SMAP1: variants seen among roughly 807,000 people sequenced by gnomAD.
SMAP1 encodes the protein stromal membrane-associated protein 1.
Under a neutral mutation model 58.5 loss-of-function variants are expected in SMAP1, and 24 were observed. The observed-to-expected ratio is 0.41, with a 90% CI of 0.30 to 0.58. The LOEUF (loss-of-function observed/expected upper bound fraction) is 0.58. Ranked by LOEUF, SMAP1 falls within the 20% of genes least tolerant of loss-of-function variation. The pLI is 0.29. For missense variants in SMAP1, 563 were observed against 566.3 expected, an observed-to-expected ratio of 0.99 and a Z score of 0.06; for synonymous variants, 216 against 196.6, an observed-to-expected ratio of 1.10 and a Z score of -0.82.
At chr6:70,788,240 A>T (rs552326997) in intron 4 of SMAP1, among the ~76,000 whole-genome samples, 179 of 146,066 alleles carry the variant, frequency 1.2e-3, no homozygotes, top group Non-Finnish European at 2.2e-3. Flanking sequence ...CATAGGTGGG[A>T]ATTGAACGAT....
At chr6:70,741,691 G>A (rs1765819159) in intron 2 of SMAP1, among the ~76,000 whole-genome samples, 1 of 152,206 alleles carries the variant, frequency 6.6e-6, no homozygotes, top group Non-Finnish European at 1.5e-5. Flanking sequence ...GCCCCAGTGG[G>A]GACTCTGTGT....
intron 1 of SMAP1, among the ~76,000 whole-genome samples, chr6:70,699,124 A>T (rs1315660387): frequency 6.6e-6 from 1 of 152,174 alleles, no homozygotes; most frequent in Non-Finnish European, 1.5e-5. Flanking sequence ...GGGGACCCAG[A>T]CCCAGTAACA....
At chr6:70,769,672 A>G (rs1562146899) in intron 3 of SMAP1, among the ~76,000 whole-genome samples, 1 of 152,114 alleles carries the variant, frequency 6.6e-6, no homozygotes, top group African/African-American at 2.4e-5. Flanking sequence ...GGTTTCCTGA[A>G]TACAGCACAC....
intron 4 of SMAP1, among the ~76,000 whole-genome samples, chr6:70,787,715 G>A (rs1358578377): frequency 6.6e-6 from 1 of 151,660 alleles, no homozygotes; most frequent in Non-Finnish European, 1.5e-5. Flanking sequence ...ATCATCACTG[G>A]CCATCAGAGA....
chr6:70,844,022 A>G (rs1269521722), intron 7 of SMAP1, among the ~76,000 whole-genome samples: 2 of 152,144 alleles, frequency 1.3e-5, no homozygotes, highest in Non-Finnish European at 2.9e-5. Context: ...TTAGAGAGAA[A>G]GAGGGAGATA....
chr6:70,726,758 T>A (rs1383838059), intron 1 of SMAP1, among the ~76,000 whole-genome samples: 3 of 152,122 alleles, frequency 2.0e-5, no homozygotes, highest in Admixed American at 6.5e-5. Flanking sequence ...CTATTTATAC[T>A]TAATAGTGAT....
At chr6:70,781,856 G>T (rs1227639922) in intron 4 of SMAP1, among the ~76,000 whole-genome samples, 1 of 152,150 alleles carries the variant, frequency 6.6e-6, no homozygotes, top group African/African-American at 2.4e-5. Context: ...TTTGCATGAG[G>T]TAAGTTTATA....
At chr6:70,824,763 A>C (rs1770042305) in intron 6 of SMAP1, among the ~76,000 whole-genome samples, 1 of 151,870 alleles carries the variant, frequency 6.6e-6, no homozygotes, top group Non-Finnish European at 1.5e-5. Flanking sequence ...TTTTCTATCA[A>C]CTCTACCTTC....
chr6:70,788,008 T>G (rs1009568346), intron 4 of SMAP1, among the ~76,000 whole-genome samples: 1 of 152,124 alleles, frequency 6.6e-6, no homozygotes, highest in African/African-American at 2.4e-5. Flanking sequence ...CACGTATGTT[T>G]ATTGTGGCAC....
In SMAP1 at chr6:70,800,600, T is replaced by C. The variant is rs535143623; in HGVS notation, c.576+1863T>C. On this transcript the variant is annotated intron_variant, in intron 6 of 10. Coordinates refer to ENST00000370455, the MANE Select transcript of SMAP1 (RefSeq NM_001044305.3). ...GTTACACAGGTATACATGTGCCATG[T>C]TGGTTTGCTGCACCCATCAACTTGT... Among the ~76,000 whole-genome samples, 32 of 152,228 alleles carry C rather than the reference T, an allele frequency of 2.1e-4. 1 individual carries two copies. Among genetic ancestry groups the C allele is most frequent in the Admixed American group, 1.8e-3 (27 of 15,290 alleles).
chr6:70,833,570 A>G (rs1419149721), intron 6 of SMAP1, among the ~76,000 whole-genome samples: 3 of 152,186 alleles, frequency 2.0e-5, no homozygotes, highest in African/African-American at 7.2e-5. Context: ...TAGGGCATAG[A>G]CATTTCTCAT....
chr6:70,852,605 G>T lies in SMAP1; in HGVS notation c.730G>T (p.Asp244Tyr). ...TTVPPLNDDL[D>Y]IFGPMISNPL... ...GGTGCCACCCCTGAACGATGATCTG[G>T]ACATCTTTGGACCGATGATTTCTAA... The change falls in exon 8 of 11, where the codon GAC becomes TAC. Residue 244 changes from aspartate to tyrosine, a missense_variant. This residue lies in a region of SMAP1 where 494 missense variants were observed against 473.8 expected (regional missense o/e 1.04). Coordinates refer to ENST00000370455, the MANE Select transcript of SMAP1 (RefSeq NM_001044305.3). The T allele has an allele frequency of 6.2e-7, 1 of 1,610,244 alleles. No individual in the cohort carries two copies. Among genetic ancestry groups the T allele is most frequent in the Non-Finnish European group, 8.5e-7 (1 of 1,178,082 alleles).
At chr6:70,842,190 T>C (rs760437839) in intron 7 of SMAP1, among the ~76,000 whole-genome samples, 1 of 152,236 alleles carries the variant, frequency 6.6e-6, no homozygotes, top group Non-Finnish European at 1.5e-5. Flanking sequence ...AGTCAAGTTA[T>C]GTTTTTCAGA....
In SMAP1 at chr6:70,729,032, C is replaced by G. The variant is rs192744331; in HGVS notation, c.119-3346C>G. On this transcript the variant is annotated intron_variant, in intron 1 of 10. Transcript: ENST00000370455. ...TTTTTTTCCCTGTTTTTGAAAACAG[C>G]TTTTCTTTGAAACGACCTCATTCTC... is the stretch of plus-strand genomic sequence containing the variant. Among the ~76,000 whole-genome samples the G allele has an allele frequency of 3.9e-3, 599 of 152,056 alleles. 3 individuals are homozygous for G. Among genetic ancestry groups the G allele is most frequent in the African/African-American group, 0.014 (583 of 41,466 alleles).
chr6:70,797,799 T>C (rs1295239549), intron 5 of SMAP1, among the ~76,000 whole-genome samples: 2 of 152,136 alleles, frequency 1.3e-5, no homozygotes, highest in African/African-American at 4.8e-5. Flanking sequence ...AGTTTATCTT[T>C]TCTTTTTTTG....
At chr6:70,818,328 C>T (rs4605842) in intron 6 of SMAP1, among the ~76,000 whole-genome samples, 2 of 151,798 alleles carry the variant, frequency 1.3e-5, no homozygotes, top group Non-Finnish European at 2.9e-5. Context: ...ATCACATGAA[C>T]CCAGGAGGCA....
At chr6:70,754,940 A>C (rs1228279509) in intron 2 of SMAP1, 40 bp from the exon 3 acceptor site, 5 of 1,312,208 alleles carry the variant, frequency 3.8e-6, no homozygotes, top group Non-Finnish European at 5.4e-6. Flanking sequence ...ATCACTTTTT[A>C]ATGTTTATGT....
At chr6:70,811,975 C>T (rs978632488) in intron 6 of SMAP1, among the ~76,000 whole-genome samples, 7 of 152,114 alleles carry the variant, frequency 4.6e-5, no homozygotes, top group South Asian at 2.1e-4. Flanking sequence ...GCGTATAAAG[C>T]GTGGATGTGC....
chr6:70,775,133 T>C (rs1767495509), intron 4 of SMAP1, among the ~76,000 whole-genome samples: 1 of 152,136 alleles, frequency 6.6e-6, no homozygotes, highest in African/African-American at 2.4e-5. Flanking sequence ...GAAGGGTTGA[T>C]TAAAAATTGA....
Sources: allele counts gnomAD v4.1 joint callset (sites outside exome capture counted in the v4.1 genomes callset), GRCh38; gene constraint gnomAD v4.1.1; regional missense constraint gnomAD v4.1.1; transcripts MANE v1.5; gene names NCBI Gene and HGNC (gene_info 2026-07-23, HGNC 2026-07-21).